SLC5A4: variants seen among roughly 807,000 people sequenced by gnomAD.
SLC5A4 encodes the protein solute carrier family 5 member 4.
Under a neutral mutation model 70.3 loss-of-function variants are expected in SLC5A4, and 55 were observed. The ratio of observed to expected loss-of-function variants is 0.78; its 90% confidence interval spans 0.63 to 0.98. The LOEUF is 0.98. Ranked by LOEUF, SLC5A4 falls within the 50% of genes least tolerant of loss-of-function variation. The pLI, the probability that SLC5A4 is intolerant of heterozygous loss-of-function variation, is 0.00. For synonymous variants in SLC5A4, 268 were observed against 305.7 expected, an observed-to-expected ratio of 0.88 and a Z score of 1.29; for missense variants, 735 against 839.2, an observed-to-expected ratio of 0.88 and a Z score of 1.53.
At chr22:32,248,652 G>A in intron 4 of SLC5A4, 91 bp downstream of exon 4, 1 of 928,632 alleles carries the variant, frequency 1.1e-6, no homozygotes, top group Non-Finnish European at 1.8e-6. Context: ...CTTTTTTCCT[G>A]GCAATACTCA....
the SLC5A4 span, chr22:32,270,842 G>A: frequency 3.6e-6 from 2 of 557,398 alleles, no homozygotes; most frequent in South Asian, 1.7e-5. Flanking sequence ...TGGCTGCCAC[G>A]ACCACCTGGT....
At chr22:32,339,644 A>C in the SLC5A4 span, among the ~76,000 whole-genome samples, 9 of 152,202 alleles carry the variant, frequency 5.9e-5, no homozygotes, top group Non-Finnish European at 1.2e-4. Context: ...AGATGAGTAC[A>C]CCTGCCGCCT....
At chr22:32,324,677 G>T in the SLC5A4 span, among the ~76,000 whole-genome samples, 8 of 152,184 alleles carry the variant, frequency 5.3e-5, no homozygotes, top group Non-Finnish European at 7.3e-5. Context: ...CGGCCTCAGT[G>T]TCAGACAAGC....
the SLC5A4 span, among the ~76,000 whole-genome samples, chr22:32,295,501 G>A: frequency 9.1e-6 from 1 of 110,158 alleles, no homozygotes; most frequent in East Asian, 2.4e-4. Flanking sequence ...CCCACTTTTT[G>A]ATGGGGTTTT....
intron 9 of SLC5A4, among the ~76,000 whole-genome samples, chr22:32,232,211 T>C (rs1925800468): frequency 6.6e-6 from 1 of 152,190 alleles, no homozygotes; most frequent in Non-Finnish European, 1.5e-5. Context: ...TAAGAAGTGA[T>C]GTTGGTCCCT....
chr22:32,289,565 C>T, the SLC5A4 span, among the ~76,000 whole-genome samples: 10 of 152,176 alleles, frequency 6.6e-5, no homozygotes, highest in Middle Eastern at 3.2e-3. Context: ...CTCTGCCTCC[C>T]GGTTCAAGCG....
the SLC5A4 span, among the ~76,000 whole-genome samples, chr22:32,306,342 GC>G: frequency 0.63 from 95,354 of 150,892 alleles, 30,230 homozygotes; most frequent in East Asian, 0.7. Flanking sequence ...GCAGGTGCCT[GC>G]TAGTCCCAGC....
At chr22:32,339,480 T>C in the SLC5A4 span, among the ~76,000 whole-genome samples, 10 of 152,170 alleles carry the variant, frequency 6.6e-5, no homozygotes, top group East Asian at 1.9e-4. Flanking sequence ...CTCACCCCTC[T>C]GCGGGTTTGC....
At chr22:32,311,660 C>G in the SLC5A4 span, among the ~76,000 whole-genome samples, 2 of 152,214 alleles carry the variant, frequency 1.3e-5, no homozygotes, top group African/African-American at 4.8e-5. Context: ...GTGTCTCCCA[C>G]CAGATGGGAG....
the SLC5A4 span, chr22:32,271,416 C>A: frequency 1.3e-6 from 1 of 772,574 alleles, no homozygotes. Flanking sequence ...CCAAAAGCTG[C>A]TTATCTACAA....
At chr22:32,328,082 A>G in the SLC5A4 span, among the ~76,000 whole-genome samples, 1 of 137,594 alleles carries the variant, frequency 7.3e-6, no homozygotes, top group South Asian at 2.3e-4. Flanking sequence ...CACACACCAG[A>G]GCCCCCAACA....
chr22:32,246,565 T>G (rs1926841993), intron 5 of SLC5A4, among the ~76,000 whole-genome samples: 1 of 152,208 alleles, frequency 6.6e-6, no homozygotes, highest in Non-Finnish European at 1.5e-5. Flanking sequence ...TCTCACTCTG[T>G]CTCCCAGACT....
At chr22:32,220,314 A>G (rs1925003413) in intron 14 of SLC5A4, among the ~76,000 whole-genome samples, 1 of 152,232 alleles carries the variant, frequency 6.6e-6, no homozygotes, top group African/African-American at 2.4e-5. Context: ...AAACCAAACC[A>G]AAACAGACAA....
the SLC5A4 span, among the ~76,000 whole-genome samples, chr22:32,336,066 C>G: frequency 6.6e-6 from 1 of 152,336 alleles, no homozygotes; most frequent in Admixed American, 6.5e-5. Context: ...CTCCCTGACC[C>G]AGGACAAAGG....
intron 7 of SLC5A4, among the ~76,000 whole-genome samples, chr22:32,236,849 C>T (rs774740674): frequency 5.3e-5 from 8 of 151,814 alleles, no homozygotes; most frequent in Non-Finnish European, 7.4e-5. Flanking sequence ...GGACTACAAG[C>T]GCGCGCCACC....
the SLC5A4 span, among the ~76,000 whole-genome samples, chr22:32,313,485 T>A: frequency 6.6e-6 from 1 of 152,182 alleles, no homozygotes; most frequent in Non-Finnish European, 1.5e-5. Flanking sequence ...CATGACCATG[T>A]CATACAAAGC....
chr22:32,272,605 TG>T, the SLC5A4 span: 75 of 613,898 alleles, frequency 1.2e-4, no homozygotes, highest in Admixed American at 5.1e-4. Context: ...CTGGGTTTTC[TG>T]GTGTCTGACC....
In SLC5A4 at chr22:32,224,248, T is replaced by C. The variant is rs1925263463; in HGVS notation, c.1665+19A>G. ...AACTCTTATTTAAAATTAGCATGTATTCATTACTCATCACTCACATGTACA... is the reference window on the plus strand; with the variant it reads ...AACTCTTATTTAAAATTAGCATGTACTCATTACTCATCACTCACATGTACA... On this transcript the variant is annotated intron_variant, in intron 13 of 14. Transcript: ENST00000266086. The C allele has an allele frequency of 6.4e-7, 1 of 1,560,720 alleles. No individual in the cohort carries two copies.
chr22:32,300,441 CCTTT>C, the SLC5A4 span, among the ~76,000 whole-genome samples: 13 of 152,294 alleles, frequency 8.5e-5, no homozygotes, highest in Non-Finnish European at 1.3e-4. Context: ...GTCCGTCACC[CCTTT>C]CTTTGACTCA....
Sources: gnomAD v4.1 joint callset for allele counts (sites outside exome capture counted in the v4.1 genomes callset) on GRCh38, gnomAD v4.1.1 for gene constraint, MANE v1.5 for transcripts, NCBI Gene and HGNC (gene_info 2026-07-23, HGNC 2026-07-21) for gene names.